The following SHLD1 variants were observed in gnomAD, a reference collection of about 807,000 sequenced individuals.
SHLD1 encodes the protein shieldin complex subunit 1, also known as RINN1-REV7-interacting novel NHEJ regulator 3.
A neutral mutation model predicts 5.5 loss-of-function variants in SHLD1; 3 were observed. That is an observed-to-expected ratio of 0.54 (90% CI 0.25 to 1.40). The LOEUF (loss-of-function observed/expected upper bound fraction) is 1.40. SHLD1 is among the 40% of genes most tolerant of loss of function. SHLD1 has a pLI of 0.15. For synonymous variants in SHLD1, 92 were observed against 94.3 expected (o/e 0.98, Z 0.14); for missense variants, 210 against 244.4 (o/e 0.86, Z 0.94).
intron 2 of SHLD1, among the ~76,000 whole-genome samples, chr20:5,849,013 A>G (rs377597572): frequency 6.6e-6 from 1 of 152,206 alleles, no homozygotes; most frequent in Non-Finnish European, 1.5e-5. Flanking sequence ...TTTGTATTAA[A>G]TATCTTGATA....
intron 2 of SHLD1, among the ~76,000 whole-genome samples, chr20:5,845,922 G>A (rs2087927804): frequency 6.6e-6 from 1 of 152,122 alleles, no homozygotes; most frequent in South Asian, 2.1e-4. Context: ...GGAAGTGCTC[G>A]GCTGTATCAG....
chr20:5,806,006 G>C lies in SHLD1; in HGVS notation c.178+32963G>C, dbSNP rs539539010. Among the ~76,000 whole-genome samples the C allele has an allele frequency of 1.3e-5, 2 of 152,204 alleles. No individual in the cohort carries two copies. Among genetic ancestry groups the C allele is most frequent in the African/African-American group, 4.8e-5 (2 of 41,538 alleles). On this transcript the variant is annotated intron_variant, in intron 2 of 2. Coordinates refer to ENST00000303142, the MANE Select transcript of SHLD1 (RefSeq NM_152504.4). This position sits in a 1 kb window ranked among gnomAD's most constrained non-coding sequence, Gnocchi z 7.6. ...CCTTTGGGGTTTGAAGGGCATTATC[G>C]CTTTAAACATGTTTTTTGATTTAAA... is the stretch of plus-strand genomic sequence containing the variant.
intron 2 of SHLD1, among the ~76,000 whole-genome samples, chr20:5,836,329 G>C (rs1291098150): frequency 2.0e-5 from 3 of 152,142 alleles, no homozygotes; most frequent in African/African-American, 7.2e-5. Flanking sequence ...GATTTTCCAT[G>C]TCTGATGTCA....
intron 1 of SHLD1, among the ~76,000 whole-genome samples, chr20:5,763,290 C>CAA (rs57863188): frequency 0.036 from 2,023 of 56,132 alleles, 62 homozygotes; most frequent in East Asian, 0.047. Flanking sequence ...AACTCCATCT[C>CAA]AAAAAAAAAA....
intron 2 of SHLD1, among the ~76,000 whole-genome samples, chr20:5,780,070 C>T (rs1227884658): frequency 6.7e-6 from 1 of 148,848 alleles, no homozygotes; most frequent in Admixed American, 6.8e-5. Context: ...CCTCTGCTTC[C>T]CAGGCTCAAG....
At chr20:5,758,164 G>C (rs1397188804) in intron 1 of SHLD1, among the ~76,000 whole-genome samples, 1 of 151,482 alleles carries the variant, frequency 6.6e-6, no homozygotes, top group Non-Finnish European at 1.5e-5. Flanking sequence ...AAGTGCAGTG[G>C]GAGGAAGCAG....
intron 2 of SHLD1, among the ~76,000 whole-genome samples, chr20:5,801,264 C>G (rs148440604): frequency 6.6e-6 from 1 of 151,926 alleles, no homozygotes; most frequent in Non-Finnish European, 1.5e-5. Context: ...TTAGTAGAGA[C>G]GGGGTTTCAC....
Position 5,774,249 on chromosome 20 carries a change from T to C in SHLD1, c.178+1206T>C, listed in dbSNP as rs114255453. ...AACAACAACAAAAAACAAATCCAAA[T>C]ATATATTTTTAGAAAGAACTCATTG... On this transcript the variant is annotated intron_variant, in intron 2 of 2. Transcript: ENST00000303142. Among the ~76,000 whole-genome samples, 1,241 of 152,032 alleles carry C rather than the reference T, an allele frequency of 8.2e-3. 17 individuals are homozygous for C. The highest frequency in any genetic ancestry group is 0.028 in the African/African-American group (1,181 of 41,510).
chr20:5,837,813 G>T (rs151046255), intron 2 of SHLD1, among the ~76,000 whole-genome samples: 2 of 151,704 alleles, frequency 1.3e-5, no homozygotes, highest in Non-Finnish European at 2.9e-5. Flanking sequence ...TTATTTTTTT[G>T]ATATTTTTAG....
At chr20:5,790,745 C>A (rs1324267322) in intron 2 of SHLD1, among the ~76,000 whole-genome samples, 1 of 151,972 alleles carries the variant, frequency 6.6e-6, no homozygotes, top group Admixed American at 6.6e-5. Context: ...TGAGCCACCA[C>A]GCCTGGCCAA....
intron 2 of SHLD1, among the ~76,000 whole-genome samples, chr20:5,854,681 C>T (rs2088058687): frequency 6.6e-6 from 1 of 152,106 alleles, no homozygotes; most frequent in Admixed American, 6.6e-5. Flanking sequence ...ATGCACATAA[C>T]ATGAAGTCTT....
At chr20:5,819,295 G>T (rs2087578060) in intron 2 of SHLD1, among the ~76,000 whole-genome samples, 1 of 152,180 alleles carries the variant, frequency 6.6e-6, no homozygotes, top group Admixed American at 6.5e-5. Flanking sequence ...CGTGACAACT[G>T]AAAAACAACT....
At chr20:5,811,870 ATG>A (rs1411856502) in intron 2 of SHLD1, among the ~76,000 whole-genome samples, 6 of 148,540 alleles carry the variant, frequency 4.0e-5, no homozygotes, top group Admixed American at 1.4e-4. Context: ...AAAAAAAAAA[ATG>A]AATTTGAACA....
chr20:5,757,407 C>G (rs1984181176), intron 1 of SHLD1, among the ~76,000 whole-genome samples: 2 of 151,910 alleles, frequency 1.3e-5, no homozygotes, highest in Admixed American at 6.6e-5. Context: ...ACTTAGCAAC[C>G]TACTTGATAA....
intron 1 of SHLD1, among the ~76,000 whole-genome samples, chr20:5,763,858 C>A (rs113589468): frequency 6.7e-6 from 1 of 149,804 alleles, no homozygotes; most frequent in African/African-American, 2.5e-5. Flanking sequence ...CCTGTAATCC[C>A]AGCACTTTGA....
rs1568490077 is a variant in SHLD1, at chr20:5,764,158, T to TATA, written c.-4-8704_-4-8703insATA. On this transcript the variant is annotated intron_variant, in intron 1 of 2. Transcript: ENST00000303142. Reference sequence around the variant, plus strand: ...AAAAAAAATATATATATATTTATATTTATATATATATATATATTTTTATAT... The same window carrying TATA: ...AAAAAAAATATATATATATTTATATTATATATATATATATATATATTTTTATAT... Among the ~76,000 whole-genome samples the TATA allele has an allele frequency of 4.9e-4, 35 of 72,046 alleles. 1 individual carries two copies. The highest frequency in any genetic ancestry group is 2.7e-3 in the Admixed American group (16 of 5,866). 47.3% of individuals were successfully genotyped at this position (72,046 alleles called of 152,430 possible).
In SHLD1 at chr20:5,817,364, C is replaced by T. The variant is rs535977597; in HGVS notation, c.178+44321C>T. 2.7e-5 allele frequency among the ~76,000 whole-genome samples: 4 copies of T among 147,306 alleles called. No homozygotes were observed. The South Asian group carries it at 8.8e-4, about 32-fold the overall frequency. ...TACTTGCTTATCAACTTGATCCTTTCAAGACTTGTTTTTAAGCTCACGGGA... is the reference window on the plus strand; with the variant it reads ...TACTTGCTTATCAACTTGATCCTTTTAAGACTTGTTTTTAAGCTCACGGGA... On this transcript the variant is annotated intron_variant, in intron 2 of 2. Transcript: ENST00000303142.
At chr20:5,859,089 G>A (rs1035173402) in intron 2 of SHLD1, among the ~76,000 whole-genome samples, 5 of 152,278 alleles carry the variant, frequency 3.3e-5, no homozygotes, top group Non-Finnish European at 7.4e-5. Context: ...GGGTAAAAAA[G>A]CCATCTCATG....
chr20:5,809,306 A>G (rs1187962145), intron 2 of SHLD1, among the ~76,000 whole-genome samples: 1 of 152,150 alleles, frequency 6.6e-6, no homozygotes. Context: ...TCTTGACAGC[A>G]TTCATAGATA....
Sources: allele counts gnomAD v4.1 joint callset (sites outside exome capture counted in the v4.1 genomes callset), GRCh38; gene constraint gnomAD v4.1.1; non-coding constraint Gnocchi (gnomAD v3.1); transcripts MANE v1.5; gene names NCBI Gene and HGNC (gene_info 2026-07-23, HGNC 2026-07-21).